PTPRS: variants seen among roughly 807,000 people sequenced by gnomAD.
PTPRS encodes receptor-type tyrosine-protein phosphatase S.
In PTPRS, 63 loss-of-function variants were observed where a neutral mutation model predicts 215.3. The ratio of observed to expected loss-of-function variants is 0.29; its 90% confidence interval spans 0.24 to 0.36. The LOEUF (loss-of-function observed/expected upper bound fraction) is 0.36, where lower values mean the gene tolerates loss of function less well. Among genes scored for constraint, PTPRS ranks in the 10% least tolerant of loss-of-function variants. The pLI is 1.00. For synonymous variants in PTPRS, 1,404 were observed against 1,191.4 expected (o/e 1.18, Z -3.68); for missense variants, 2,258 against 2,825.8 (o/e 0.80, Z 4.56).
Position 5,212,255 on chromosome 19 carries a change from A to C in PTPRS, c.4770-5T>G. 1 of 1,609,416 alleles carries C rather than the reference A, an allele frequency of 6.2e-7. No homozygotes were observed. Among genetic ancestry groups the C allele is most frequent in the Non-Finnish European group, 8.5e-7 (1 of 1,176,760 alleles). ...CCTGTGCGGCCCACACCGGCACTGC[A>C]GGGACAGCCACGTGGCGTTCAGGGG... On this transcript the variant is annotated splice_region_variant and splice_polypyrimidine_tract_variant and intron_variant, in intron 31 of 37. Coordinates refer to ENST00000262963, the MANE Select transcript of PTPRS (RefSeq NM_002850.4).
At chr19:5,242,126 G>A (rs1007863728) in intron 11 of PTPRS, among the ~76,000 whole-genome samples, 1 of 151,970 alleles carries the variant, frequency 6.6e-6, no homozygotes, top group Non-Finnish European at 1.5e-5. Context: ...GGGCCACCAC[G>A]CTGAGCCAGC....
intron 1 of PTPRS, among the ~76,000 whole-genome samples, chr19:5,312,785 G>A (rs938299019): frequency 5.3e-5 from 8 of 152,202 alleles, no homozygotes; most frequent in African/African-American, 4.8e-5. Flanking sequence ...CATTGAATTC[G>A]AATTGTCTCC....
chr19:5,331,681 G>A (rs552923478), intron 1 of PTPRS, among the ~76,000 whole-genome samples: 31 of 152,246 alleles, frequency 2.0e-4, no homozygotes, highest in African/African-American at 7.2e-4. Context: ...GGTAACCCGG[G>A]TGCTCCAGCC....
intron 1 of PTPRS, among the ~76,000 whole-genome samples, chr19:5,315,366 T>TTTTC (rs1440762199): frequency 7.8e-6 from 1 of 128,696 alleles, no homozygotes; most frequent in Non-Finnish European, 1.7e-5. Flanking sequence ...TTTTTTTTTT[T>TTTTC]TTTTTTTTTT....
rs751838422 is a variant in PTPRS, at chr19:5,258,109, C to T, written c.614G>A (p.Ser205Asn). ...TPIRGALQIESSEETDQGKYE... is the reference protein window; with the variant it reads ...TPIRGALQIENSEETDQGKYE... ...TTTGCCCTGGTCGGTTTCCTCACTG[C>T]TTTCAATCTGCAGGGCTCCTGTGGG... The change falls in exon 8 of 38, where the codon AGC becomes AAC. Residue 205 changes from serine to asparagine, a missense_variant. Physicochemically the swap from Ser to Asn is conservative, Grantham distance 46 (BLOSUM62 1). Transcript: ENST00000262963. 10 of 1,614,046 alleles carry T rather than the reference C, an allele frequency of 6.2e-6. No individual in the cohort carries two copies. In the African/African-American group the frequency reaches 1.2e-4, roughly 19 times the overall value.
chr19:5,312,088 G>A (rs2049724101), intron 1 of PTPRS, among the ~76,000 whole-genome samples: 2 of 151,996 alleles, frequency 1.3e-5, no homozygotes, highest in African/African-American at 4.8e-5. Context: ...GACATCTCCT[G>A]GTTGTGCGTG....
At chr19:5,241,548 T>C (rs2044043199) in intron 11 of PTPRS, among the ~76,000 whole-genome samples, 1 of 149,940 alleles carries the variant, frequency 6.7e-6, no homozygotes, top group African/African-American at 2.5e-5. Context: ...CCTCCCAAAG[T>C]GTCAGGATTA....
At chr19:5,208,504 GGA>G (rs2040572995) in intron 35 of PTPRS, 113 bp from the exon 36 acceptor site, 2 of 890,122 alleles carry the variant, frequency 2.2e-6, no homozygotes, top group South Asian at 5.5e-5. Context: ...TTTTTGAGAT[GGA>G]GTTTCACTCT....
chr19:5,303,679 G>A (rs2049375599), intron 1 of PTPRS, among the ~76,000 whole-genome samples: 1 of 152,130 alleles, frequency 6.6e-6, no homozygotes, highest in South Asian at 2.1e-4. Context: ...GAGGACCACG[G>A]TGGCTCACAC....
At chr19:5,271,419 C>T (rs951599506) in intron 4 of PTPRS, among the ~76,000 whole-genome samples, 1 of 145,358 alleles carries the variant, frequency 6.9e-6, no homozygotes, top group East Asian at 2.0e-4. Flanking sequence ...TTCCCTGAGA[C>T]GGAGTCTTGC....
At chr19:5,335,914 GA>G (rs2075967036) in intron 1 of PTPRS, among the ~76,000 whole-genome samples, 1 of 151,992 alleles carries the variant, frequency 6.6e-6, no homozygotes, top group African/African-American at 2.4e-5. Flanking sequence ...GGGAACAGAA[GA>G]GGGGATTCCA....
chr19:5,270,382 C>T (rs1161417721), intron 4 of PTPRS, among the ~76,000 whole-genome samples: 2 of 146,072 alleles, frequency 1.4e-5, no homozygotes, highest in South Asian at 2.3e-4. Context: ...CCTTGAACTC[C>T]GAGGCTCAGG....
intron 9 of PTPRS, among the ~76,000 whole-genome samples, chr19:5,253,978 C>G (rs929718536): frequency 2.6e-5 from 4 of 152,278 alleles, no homozygotes; most frequent in African/African-American, 9.6e-5. Context: ...ATGACTAGTT[C>G]AAGGTCACGT....
chr19:5,218,993 A>C, intron 23 of PTPRS, 195 bp from the exon 24 acceptor site: 1 of 663,272 alleles, frequency 1.5e-6, no homozygotes, highest in Non-Finnish European at 2.5e-6. Flanking sequence ...GGCTTATCTC[A>C]GCCCTGGGAT....
rs925654392 is a variant in PTPRS, at chr19:5,295,866, C to G, written c.-94-9632G>C. Among the ~76,000 whole-genome samples the G allele has an allele frequency of 2.6e-5, 4 of 152,148 alleles. No individual in the cohort carries two copies. Among genetic ancestry groups the G allele is most frequent in the African/African-American group, 7.2e-5 (3 of 41,446 alleles). ...ACCTCCTGGGCTCAAGTGATCCTCC[C>G]ACCTCAGCCTCCTGAGTAGCTTGGA... On this transcript the variant is annotated intron_variant, in intron 1 of 37. Coordinates refer to ENST00000262963, the MANE Select transcript of PTPRS (RefSeq NM_002850.4). The surrounding 1 kb of genome is among the most constrained non-coding windows in gnomAD (Gnocchi z 4.6).
At chr19:5,279,807 C>A (rs980055406) in intron 2 of PTPRS, among the ~76,000 whole-genome samples, 3 of 152,134 alleles carry the variant, frequency 2.0e-5, no homozygotes, top group African/African-American at 7.2e-5. Flanking sequence ...CTCAGCCTCC[C>A]GAGTAGCTGG....
intron 1 of PTPRS, among the ~76,000 whole-genome samples, chr19:5,290,764 G>T (rs2048747907): frequency 6.6e-6 from 1 of 151,908 alleles, no homozygotes; most frequent in African/African-American, 2.4e-5. Flanking sequence ...GGGACTCAGG[G>T]GAAAGACCCC....
rs1224139686 is a variant in PTPRS, at chr19:5,334,801, T to C, written c.-95+5863A>G. On this transcript the variant is annotated intron_variant, in intron 1 of 37. Coordinates refer to ENST00000262963, the MANE Select transcript of PTPRS (RefSeq NM_002850.4). ...CCTCAGGCCAGTGAAGGCCCCTCCC[T>C]GTGCCTCAGTTTCCCTCTCTGCAAA... Among the ~76,000 whole-genome samples the C allele has an allele frequency of 2.0e-5, 3 of 152,224 alleles. No homozygotes were observed. In the East Asian group the frequency reaches 5.8e-4, roughly 29 times the overall value.
chr19:5,265,328 C>T (rs2046321869), intron 4 of PTPRS, 132 bp from the exon 5 acceptor site: 1 of 753,958 alleles, frequency 1.3e-6, no homozygotes, highest in Admixed American at 2.8e-5. Context: ...CCATGGGTGC[C>T]ATCCTTTACA....
Sources: gnomAD v4.1 joint callset for allele counts (sites outside exome capture counted in the v4.1 genomes callset) on GRCh38, gnomAD v4.1.1 for gene constraint, Gnocchi (gnomAD v3.1) non-coding constraint, MANE v1.5 for transcripts, NCBI Gene and HGNC (gene_info 2026-07-23, HGNC 2026-07-21) for gene names.